PLEKHH2: variants seen among roughly 807,000 people sequenced by gnomAD.
The protein encoded by PLEKHH2 is pleckstrin homology domain-containing family H member 2.
In PLEKHH2, 129 loss-of-function variants were observed where a neutral mutation model predicts 187.9. The ratio of observed to expected loss-of-function variants is 0.69; its 90% confidence interval spans 0.59 to 0.79. The LOEUF is 0.79. Ranked by LOEUF, PLEKHH2 falls within the 30% of genes least tolerant of loss-of-function variation. PLEKHH2 has a pLI of 0.00. For missense variants in PLEKHH2, 2,076 were observed against 1,751.2 expected (o/e 1.19, Z -3.31); for synonymous variants, 686 against 605.6 (o/e 1.13, Z -1.95).
At chr2:43,711,411 G>C (rs1457566272) in intron 14 of PLEKHH2, 1 of 983,250 alleles carries the variant, frequency 1.0e-6, no homozygotes, top group Non-Finnish European at 1.2e-6. Flanking sequence ...GCTAATTTGA[G>C]ACTGGAACAT....
At chr2:43,736,104 T>C (rs1671277636) in intron 19 of PLEKHH2, among the ~76,000 whole-genome samples, 1 of 152,190 alleles carries the variant, frequency 6.6e-6, no homozygotes, top group Admixed American at 6.5e-5. Context: ...TAACCGATGT[T>C]ATTAGGCAAT....
intron 15 of PLEKHH2, among the ~76,000 whole-genome samples, chr2:43,713,084 A>C (rs547072738): frequency 6.7e-6 from 1 of 150,244 alleles, no homozygotes; most frequent in Admixed American, 6.6e-5. Flanking sequence ...TGAGTGAACA[A>C]ATCAATATCA....
intron 3 of PLEKHH2, among the ~76,000 whole-genome samples, chr2:43,689,984 G>A (rs1668714901): frequency 6.6e-6 from 1 of 152,142 alleles, no homozygotes; most frequent in Non-Finnish European, 1.5e-5. Flanking sequence ...ACTAGATGTA[G>A]GTCTGGTAGC....
intron 6 of PLEKHH2, 92 bp from the exon 7 acceptor site, chr2:43,697,079 G>A (rs1669130526): frequency 1.9e-6 from 2 of 1,049,116 alleles, no homozygotes; most frequent in Non-Finnish European, 2.7e-6. Context: ...GGCATAAAGA[G>A]TGATTTGTTC....
At chr2:43,657,919 G>A (rs1465077737) in intron 2 of PLEKHH2, among the ~76,000 whole-genome samples, 6 of 152,070 alleles carry the variant, frequency 3.9e-5, no homozygotes, top group Admixed American at 1.3e-4. Context: ...TCCTTCTTCT[G>A]TATCTACAAT....
At chr2:43,701,464 G>A (rs1388676995) in intron 8 of PLEKHH2, among the ~76,000 whole-genome samples, 2 of 152,198 alleles carry the variant, frequency 1.3e-5, no homozygotes, top group African/African-American at 4.8e-5. Flanking sequence ...AAACATTGGA[G>A]GTGGGAAAGA....
At chr2:43,762,227 C>T in intron 27 of PLEKHH2, 77 bp from the exon 28 acceptor site, 1 of 1,095,056 alleles carries the variant, frequency 9.1e-7, no homozygotes, top group Non-Finnish European at 1.4e-6. Flanking sequence ...GCAAATGTTA[C>T]ATGACATTTA....
In PLEKHH2 at chr2:43,707,254, A is replaced by G. The variant is rs544643182; in HGVS notation, c.1822-147A>G. On this transcript the variant is annotated intron_variant, in intron 10 of 29. Coordinates refer to ENST00000282406, the MANE Select transcript of PLEKHH2 (RefSeq NM_172069.4). ...ACTTCTTCCTGTAAAACTTTCTGTT[A>G]TCTAAAAAGAGTGATAACCTTAGGG... The G allele has an allele frequency of 3.0e-4, 211 of 710,476 alleles. No individual in the cohort carries two copies. In the African/African-American group the frequency reaches 3.5e-3, roughly 12 times the overall value. 44.0% of individuals were successfully genotyped at this position (710,476 alleles called of 1,614,324 possible).
intron 7 of PLEKHH2, among the ~76,000 whole-genome samples, chr2:43,698,147 A>G (rs1413474845): frequency 6.6e-6 from 1 of 152,034 alleles, no homozygotes; most frequent in Non-Finnish European, 1.5e-5. Context: ...AGTTGTCTCT[A>G]TGCTTGGTTA....
chr2:43,723,837 A>G (rs115786276), intron 16 of PLEKHH2, among the ~76,000 whole-genome samples: 5,056 of 152,262 alleles, frequency 0.033, 131 homozygotes, highest in Middle Eastern at 0.068. Flanking sequence ...TAACAGGCAC[A>G]CGCCGACTGC....
chr2:43,695,358 A>C, intron 6 of PLEKHH2, 134 bp downstream of exon 6: 1 of 467,672 alleles, frequency 2.1e-6, no homozygotes, highest in Non-Finnish European at 3.7e-6. Context: ...GAGAATTACT[A>C]AACAAACCAG....
intron 2 of PLEKHH2, among the ~76,000 whole-genome samples, chr2:43,647,489 C>G (rs1423280406): frequency 6.6e-6 from 1 of 152,192 alleles, no homozygotes; most frequent in Non-Finnish European, 1.5e-5. Flanking sequence ...TCTATCCACT[C>G]ATCCATTCTG....
rs1042432790 is a variant in PLEKHH2 at position 43,687,841 on chromosome 2, G to C, written c.187-4673G>C. 3.3e-5 allele frequency among the ~76,000 whole-genome samples: 5 copies of C among 151,822 alleles called. No homozygotes were observed. The South Asian group carries it at 1.0e-3, about 32-fold the overall frequency. On this transcript the variant is annotated intron_variant, in intron 3 of 29. Coordinates refer to ENST00000282406, the MANE Select transcript of PLEKHH2 (RefSeq NM_172069.4). ...AGACAGGGTCTTCCTCTGTTGCCCA[G>C]GCTGGAGTGCAGCAGCATGATCATG...
intron 3 of PLEKHH2, 47 bp downstream of exon 3, chr2:43,678,972 A>T: frequency 7.7e-7 from 1 of 1,298,816 alleles, no homozygotes; most frequent in Non-Finnish European, 1.1e-6. Context: ...TACTACTCAC[A>T]TAAAGATTGT....
In PLEKHH2 at chr2:43,637,329, C is replaced by G. The variant is rs1327829834; in HGVS notation, c.-54C>G. The stretch of plus-strand genomic sequence containing the variant: ...GTCCGGGGATCCCGGGGGCCAGTCG[C>G]GGCCGGGACATCGGGCGCTGCGGCC... On this transcript the variant is annotated 5_prime_UTR_variant, in exon 1 of 30. Transcript: ENST00000282406. The G allele has an allele frequency of 6.6e-6, 1 of 152,434 alleles. No homozygotes were observed. The highest frequency in any genetic ancestry group is 1.5e-5 in the Non-Finnish European group (1 of 68,224). 9.4% of individuals were successfully genotyped at this position (152,434 alleles called of 1,614,324 possible).
At chr2:43,746,386 C>G (rs940405634) in intron 24 of PLEKHH2, among the ~76,000 whole-genome samples, 1 of 152,116 alleles carries the variant, frequency 6.6e-6, no homozygotes, top group Non-Finnish European at 1.5e-5. Flanking sequence ...TGGCATGTGC[C>G]TGTAATCTCA....
At chr2:43,764,931 T>G (rs933283857) in intron 29 of PLEKHH2, among the ~76,000 whole-genome samples, 1 of 152,260 alleles carries the variant, frequency 6.6e-6, no homozygotes, top group African/African-American at 2.4e-5. Flanking sequence ...TGTCTTAATG[T>G]TATCAGATAA....
At chr2:43,715,042 C>A (rs577398133) in intron 15 of PLEKHH2, among the ~76,000 whole-genome samples, 1 of 152,118 alleles carries the variant, frequency 6.6e-6, no homozygotes, top group African/African-American at 2.4e-5. Context: ...CTTAGGGAGG[C>A]TGAGGCAGGC....
intron 20 of PLEKHH2, chr2:43,740,725 T>G: frequency 1.5e-6 from 1 of 680,392 alleles, no homozygotes; most frequent in Non-Finnish European, 2.0e-6. Context: ...GTTCCTCAGT[T>G]GTAGATAACC....
Sources: allele counts gnomAD v4.1 joint callset (sites outside exome capture counted in the v4.1 genomes callset), GRCh38; gene constraint gnomAD v4.1.1; transcripts MANE v1.5; gene names NCBI Gene and HGNC (gene_info 2026-07-23, HGNC 2026-07-21).